Variants in CCSER1 observed in about 807,000 individuals in gnomAD.
CCSER1 encodes coiled-coil serine rich protein 1.
CCSER1 carries 41 observed loss-of-function variants against 82.0 expected under a neutral mutation model. The observed-to-expected ratio is 0.50, with a 90% confidence interval of 0.39 to 0.65. The LOEUF (loss-of-function observed/expected upper bound fraction) is 0.65. CCSER1 is among the 30% of genes least tolerant of loss of function. The pLI, the probability that CCSER1 is intolerant of heterozygous loss-of-function variation, is 0.00. For missense variants in CCSER1, 1,119 were observed against 1,064.2 expected (o/e 1.05, Z -0.72); for synonymous variants, 414 against 383.9 (o/e 1.08, Z -0.92).
intron 4 of CCSER1, among the ~76,000 whole-genome samples, chr4:90,416,739 GTTA>G (rs577487425): frequency 7.7e-4 from 117 of 152,144 alleles, no homozygotes; most frequent in African/African-American, 2.7e-3. Context: ...TGATTTAAAT[GTTA>G]TTATCTAAAT....
At chr4:91,244,164 G>A (rs1172784481) in intron 10 of CCSER1, among the ~76,000 whole-genome samples, 3 of 152,246 alleles carry the variant, frequency 2.0e-5, no homozygotes, top group African/African-American at 7.2e-5. Flanking sequence ...TGGCCCCAAA[G>A]AGAGGCTCCT....
chr4:90,304,638 G>A (rs1733871193), intron 1 of CCSER1, among the ~76,000 whole-genome samples: 1 of 152,020 alleles, frequency 6.6e-6, no homozygotes, highest in Non-Finnish European at 1.5e-5. Context: ...TCACACTCTG[G>A]GGACTGTTGT....
intron 3 of CCSER1, among the ~76,000 whole-genome samples, chr4:90,389,275 A>C (rs1578228175): frequency 6.6e-6 from 1 of 152,204 alleles, no homozygotes; most frequent in Non-Finnish European, 1.5e-5. Flanking sequence ...TGAGGCTGAC[A>C]TGACAACTTT....
At chr4:90,563,697 C>G (rs992685554) in intron 5 of CCSER1, among the ~76,000 whole-genome samples, 1 of 152,162 alleles carries the variant, frequency 6.6e-6, no homozygotes, top group Non-Finnish European at 1.5e-5. Flanking sequence ...TTGATGGACA[C>G]TTAGATTGAT....
At chr4:91,079,814 G>A (rs74926964) in intron 9 of CCSER1, among the ~76,000 whole-genome samples, 13 of 152,096 alleles carry the variant, frequency 8.5e-5, no homozygotes, top group Non-Finnish European at 1.6e-4. Flanking sequence ...GATCAAAAGA[G>A]ACAAAGAAGA....
chr4:90,436,291 G>T (rs927962042), intron 4 of CCSER1, among the ~76,000 whole-genome samples: 1 of 152,058 alleles, frequency 6.6e-6, no homozygotes, highest in African/African-American at 2.4e-5. Flanking sequence ...CTTAATTTGG[G>T]TTGTCTTTTA....
chr4:91,471,801 C>G (rs187250692), intron 10 of CCSER1, among the ~76,000 whole-genome samples: 1 of 151,830 alleles, frequency 6.6e-6, no homozygotes, highest in East Asian at 1.9e-4. Context: ...AACCTTGTCT[C>G]TACTAAAAAT....
intron 6 of CCSER1, among the ~76,000 whole-genome samples, chr4:90,664,501 A>G (rs1277680152): frequency 6.6e-6 from 1 of 152,214 alleles, no homozygotes; most frequent in Non-Finnish European, 1.5e-5. Flanking sequence ...ACCTTAACAT[A>G]CTACCTTGTG....
chr4:90,745,551 T>C (rs752500200), intron 7 of CCSER1, among the ~76,000 whole-genome samples: 2 of 152,168 alleles, frequency 1.3e-5, no homozygotes, highest in Non-Finnish European at 2.9e-5. Context: ...GTTCTGTCCA[T>C]AAATATTGAG....
chr4:91,503,808 A>T (rs566665127), intron 10 of CCSER1, among the ~76,000 whole-genome samples: 1 of 152,330 alleles, frequency 6.6e-6, no homozygotes, highest in South Asian at 2.1e-4. Context: ...AGGTTGCTAT[A>T]ACATAAAGTT....
At chr4:90,699,915 A>C (rs1311421523) in intron 6 of CCSER1, among the ~76,000 whole-genome samples, 6 of 151,878 alleles carry the variant, frequency 4.0e-5, no homozygotes, top group African/African-American at 1.5e-4. Context: ...GCTAGCAGGC[A>C]CCGTCTATGA....
chr4:90,460,182 G>C (rs112833932), intron 4 of CCSER1, among the ~76,000 whole-genome samples: 1 of 147,668 alleles, frequency 6.8e-6, no homozygotes, highest in Non-Finnish European at 1.5e-5. Context: ...AAAATTAGCC[G>C]GGCATGGTGG....
chr4:91,110,404 C>T (rs573085627), intron 10 of CCSER1, among the ~76,000 whole-genome samples: 23 of 152,106 alleles, frequency 1.5e-4, no homozygotes, highest in African/African-American at 4.8e-4. Flanking sequence ...TAAAAATACT[C>T]ACTAGGAAAG....
At chr4:90,549,437 G>A (rs1458349219) in intron 5 of CCSER1, among the ~76,000 whole-genome samples, 1 of 151,790 alleles carries the variant, frequency 6.6e-6, no homozygotes, top group Non-Finnish European at 1.5e-5. Context: ...ATTGCTTTAA[G>A]CTTAGGGTAG....
At position 91,074,857 on chromosome 4, in the gene CCSER1, CTG is replaced by C. The variant is rs1220322088; in HGVS notation, c.2173-11091_2173-11090del. Reference sequence around the variant, plus strand: ...GCTACTTTCTACATGTTAAGAAAAACTGTCACAACGAAATCTCTGAAGTTCTA... The same window carrying C: ...GCTACTTTCTACATGTTAAGAAAAACTCACAACGAAATCTCTGAAGTTCTA... On this transcript the variant is annotated intron_variant, in intron 9 of 10. Coordinates refer to ENST00000509176, the MANE Select transcript of CCSER1 (RefSeq NM_001145065.2). Among the ~76,000 whole-genome samples, 7 of 152,276 alleles carry C rather than the reference CTG, an allele frequency of 4.6e-5. No individual in the cohort carries two copies. The East Asian group carries it at 1.3e-3, about 29-fold the overall frequency.
intron 5 of CCSER1, among the ~76,000 whole-genome samples, chr4:90,550,908 AT>A (rs879365036): frequency 6.6e-6 from 1 of 152,108 alleles, no homozygotes; most frequent in Non-Finnish European, 1.5e-5. Flanking sequence ...AGTTGCAAAT[AT>A]TATCTGAATA....
chr4:90,566,603 C>CTT (rs71596531), intron 5 of CCSER1, among the ~76,000 whole-genome samples: 2,975 of 136,742 alleles, frequency 0.022, 102 homozygotes, highest in African/African-American at 0.075. Context: ...TCACAATTAC[C>CTT]TTTTTTTTTT....
chr4:90,744,256 T>A (rs548262399), intron 7 of CCSER1, among the ~76,000 whole-genome samples: 9 of 152,138 alleles, frequency 5.9e-5, no homozygotes, highest in South Asian at 4.1e-4. Flanking sequence ...CTATACGTAT[T>A]CGGTTATGTG....
At chr4:90,985,763 A>G (rs973244060) in intron 9 of CCSER1, among the ~76,000 whole-genome samples, 1 of 151,848 alleles carries the variant, frequency 6.6e-6, no homozygotes, top group Admixed American at 6.6e-5. Context: ...CCTGCAACTA[A>G]TGACCGCCCA....
Sources: gnomAD v4.1 joint callset for allele counts (sites outside exome capture counted in the v4.1 genomes callset) on GRCh38, gnomAD v4.1.1 for gene constraint, MANE v1.5 for transcripts, NCBI Gene and HGNC (gene_info 2026-07-23, HGNC 2026-07-21) for gene names.